The following BTN2A1 variants were observed in gnomAD, a reference collection of about 807,000 sequenced individuals.
BTN2A1 encodes butyrophilin, subfamily 2, member A1.
BTN2A1 carries 41 observed loss-of-function variants against 34.5 expected under a neutral mutation model. The ratio of observed to expected loss-of-function variants is 1.19; its 90% CI spans 0.93 to 1.54. BTN2A1 has a LOEUF of 1.54. BTN2A1 is among the 40% of genes most tolerant of loss of function. The pLI, the probability that BTN2A1 is intolerant of heterozygous loss-of-function variation, is 0.00. For missense variants in BTN2A1, 642 were observed against 662.0 expected, an observed-to-expected ratio of 0.97 and a Z score of 0.33; for synonymous variants, 267 against 258.6, an observed-to-expected ratio of 1.03 and a Z score of -0.31.
intron 3 of BTN2A1, chr6:26,462,712 C>G: frequency 1.1e-6 from 1 of 931,042 alleles, no homozygotes; most frequent in Non-Finnish European, 1.5e-6. Context: ...CTGAACTAGA[C>G]AGAAGGGTCA....
chr6:26,460,104 A>T (rs1312224716), intron 3 of BTN2A1, among the ~76,000 whole-genome samples: 8 of 152,160 alleles, frequency 5.3e-5, no homozygotes, highest in Non-Finnish European at 7.4e-5. Flanking sequence ...GTCTCGGAAG[A>T]GAAGTCTTAT....
chr6:26,463,597 G>A, intron 4 of BTN2A1, 72 bp downstream of exon 4: 1 of 1,529,944 alleles, frequency 6.5e-7, no homozygotes, highest in Non-Finnish European at 8.9e-7. Flanking sequence ...GCCCAGAACG[G>A]GGATGGGGGC....
rs1763227636 is a variant in BTN2A1, at chr6:26,463,466, C to T, written c.653C>T (p.Ser218Phe). 6.2e-7 allele frequency: 1 copy of T among 1,614,028 alleles called. No individual in the cohort carries two copies. Among genetic ancestry groups the T allele is most frequent in the South Asian group, 1.1e-5 (1 of 91,084 alleles). Residue 218 changes from serine (S) to phenylalanine (F), a missense_variant, in exon 4 of 8, where the codon TCC (serine) becomes TTC (phenylalanine). Physicochemically the swap from Ser to Phe is radical, Grantham distance 155. Transcript: ENST00000312541. Reference protein sequence around the residue: ...IIRDKSVRNMSCSINNTLLGQ... With the variant: ...IIRDKSVRNMFCSINNTLLGQ... ...AGAGACAAGTCTGTGAGGAACATGT[C>T]CTGCTCTATCAACAACACCCTGCTC...
rs147849789 is a variant in BTN2A1 at position 26,465,364 on chromosome 6, G to C, written c.892G>C (p.Glu298Gln). The C allele has an allele frequency of 9.9e-6, 16 of 1,614,074 alleles. No homozygotes were observed. The highest frequency in any genetic ancestry group is 1.7e-5 in the Admixed American group (1 of 60,000). Residue 298 changes from glutamate to glutamine, a missense_variant, in exon 5 of 8, where the codon GAG becomes CAG. Coordinates refer to ENST00000312541, the MANE Select transcript of BTN2A1 (RefSeq NM_007049.5). Reference protein sequence around the residue: ...ETREIALKELEKERVQKEEEL... With the variant: ...ETREIALKELQKERVQKEEEL... ...AAGAGAAATTGCTCTAAAGGAACTG[G>C]AGAAAGAACGTGTGCAAAAAGAGGA...
chr6:26,459,564 G>T lies in BTN2A1; in HGVS notation c.166G>T (p.Glu56Ter). The change falls in exon 3 of 8, where the codon GAG becomes TAG. Residue 56 changes from glutamate to a stop codon, truncating the protein, a stop_gained. Coordinates refer to ENST00000312541, the MANE Select transcript of BTN2A1 (RefSeq NM_007049.5). LOFTEE classifies it high-confidence loss of function. Reference sequence around the variant, plus strand: ...TACGTTACGCTGCCATCTGTCACCCGAGAAAAATGCTGAGGACATGGAGGT... The same window carrying T: ...TACGTTACGCTGCCATCTGTCACCCTAGAAAAATGCTGAGGACATGGAGGT... ...NTTLRCHLSP[E>*]KNAEDMEVRW... is the part of the protein sequence containing the mutation. 1 of 1,614,044 alleles carries T rather than the reference G, an allele frequency of 6.2e-7. No individual in the cohort carries two copies. Among genetic ancestry groups the T allele is most frequent in the Non-Finnish European group, 8.5e-7 (1 of 1,179,974 alleles).
intron 4 of BTN2A1, among the ~76,000 whole-genome samples, chr6:26,464,082 G>A (rs550510214): frequency 1.3e-5 from 2 of 152,232 alleles, no homozygotes; most frequent in African/African-American, 2.4e-5. Context: ...GATTACAGGC[G>A]TGAGCCACCA....
At position 26,468,542 on chromosome 6, in the gene BTN2A1, G is replaced by A; in HGVS notation, c.1577G>A (p.Ser526Asn). 6.2e-7 allele frequency: 1 copy of A among 1,614,156 alleles called. No individual in the cohort carries two copies. The highest frequency in any genetic ancestry group is 1.7e-5 in the Admixed American group (1 of 60,014). Residue 526 changes from serine (S) to asparagine (N), a missense_variant, in exon 8 of 8, where the codon AGC (serine) becomes AAC (asparagine). By Grantham distance (46) the Ser-to-Asn change is conservative. Transcript: ENST00000312541. ...CTTCACAGAGTGGGGACCCACCAGA[G>A]CCTATAGAATCAATTCCTTGGTCTC... Reference protein sequence around the residue: ...LTLHRVGTHQSL With the variant: ...LTLHRVGTHQNL
chr6:26,470,991 C>T (rs920749622), downstream of BTN2A1, among the ~76,000 whole-genome samples: 3 of 152,206 alleles, frequency 2.0e-5, no homozygotes, highest in Non-Finnish European at 4.4e-5. Context: ...CTCTGGAGAA[C>T]CCTGACTGAA....
downstream of BTN2A1, among the ~76,000 whole-genome samples, chr6:26,474,169 T>C (rs1005517525): frequency 2.0e-5 from 3 of 152,358 alleles, no homozygotes; most frequent in Admixed American, 1.3e-4. Flanking sequence ...GTAAACTAAC[T>C]GAAAGCTTAA....
downstream of BTN2A1, among the ~76,000 whole-genome samples, chr6:26,473,726 T>C (rs1255884739): frequency 6.6e-6 from 1 of 152,094 alleles, no homozygotes; most frequent in Non-Finnish European, 1.5e-5. Flanking sequence ...TCTGTTATGA[T>C]ATAAAAGACA....
chr6:26,469,406 T>C lies in BTN2A1; in HGVS notation c.*857T>C. On this transcript the variant is annotated 3_prime_UTR_variant, in exon 8 of 8. Coordinates refer to ENST00000312541, the MANE Select transcript of BTN2A1 (RefSeq NM_007049.5). ...ATGATGGAGGATTCCAAAGAGTTTT[T>C]GTTTATTTGGGTTAATATTTGTTGG... The C allele has an allele frequency of 8.6e-6, 8 of 929,770 alleles. No homozygotes were observed. The highest frequency in any genetic ancestry group is 1.0e-5 in the Non-Finnish European group (8 of 779,364). 57.6% of individuals were successfully genotyped at this position (929,770 alleles called of 1,614,324 possible). A position where few individuals can be genotyped will look rare whatever the true frequency, so the allele number is the denominator to read the frequency against.
chr6:26,470,977 GTC>G (rs1763439622), downstream of BTN2A1, among the ~76,000 whole-genome samples: 1 of 152,172 alleles, frequency 6.6e-6, no homozygotes, highest in Non-Finnish European at 1.5e-5. Flanking sequence ...TATTGGTTCT[GTC>G]TCTCTGGAGA....
Position 26,469,051 on chromosome 6 carries a change from A to C in BTN2A1, c.*502A>C. On this transcript the variant is annotated 3_prime_UTR_variant, in exon 8 of 8. Transcript: ENST00000312541. The stretch of plus-strand genomic sequence containing the variant: ...GAGAGCTGGGAGGGACCAAGGTTGT[A>C]AGGGTGGCTAAGTCCCACCATAACA... The C allele has an allele frequency of 8.6e-7, 1 of 1,159,504 alleles. No homozygotes were observed. Among genetic ancestry groups the C allele is most frequent in the Non-Finnish European group, 1.1e-6 (1 of 927,470 alleles). 71.8% of individuals were successfully genotyped at this position (1,159,504 alleles called of 1,614,324 possible).
At chr6:26,462,808 G>A in intron 3 of BTN2A1, 1 of 1,286,980 alleles carries the variant, frequency 7.8e-7, no homozygotes, top group Non-Finnish European at 1.0e-6. Flanking sequence ...GCTTCTGGAA[G>A]CTGAGGTCTA....
In BTN2A1 at chr6:26,469,247, T is replaced by C; in HGVS notation, c.*698T>C. On this transcript the variant is annotated 3_prime_UTR_variant, in exon 8 of 8. Coordinates refer to ENST00000312541, the MANE Select transcript of BTN2A1 (RefSeq NM_007049.5). ...TGGCAAGGAGTCAGTACTCAGTCCC[T>C]GAGTGTGGCTGAAATTTGAGGTCCT... The C allele has an allele frequency of 2.0e-6, 2 of 1,002,066 alleles. No individual in the cohort carries two copies. The highest frequency in any genetic ancestry group is 2.4e-6 in the Non-Finnish European group (2 of 839,164). The allele number at this position is 1,002,066 out of a possible 1,614,324, so 62.1% of individuals were successfully genotyped here. A position where few individuals can be genotyped will look rare whatever the true frequency, so the allele number is the denominator to read the frequency against.
At chr6:26,474,757 C>T (rs1359518445) in intron 7 of BTN2A1, among the ~76,000 whole-genome samples, 1 of 142,438 alleles carries the variant, frequency 7.0e-6, no homozygotes, top group African/African-American at 2.6e-5. Context: ...GCAAAGACTC[C>T]TTTTTTTTTT....
intron 7 of BTN2A1, chr6:26,467,635 A>G: frequency 7.1e-7 from 1 of 1,409,220 alleles, no homozygotes; most frequent in African/African-American, 1.4e-5. Context: ...CTTGGATAGA[A>G]AAGGGAACAC....
intron 4 of BTN2A1, among the ~76,000 whole-genome samples, chr6:26,464,194 A>G (rs1300076708): frequency 6.6e-6 from 1 of 152,156 alleles, no homozygotes; most frequent in African/African-American, 2.4e-5. Flanking sequence ...TGCTGTAGCC[A>G]TCCCTTCCTG....
intron 6 of BTN2A1, 22 bp from the exon 7 acceptor site, chr6:26,466,040 C>T (rs749789106): frequency 9.3e-6 from 15 of 1,614,086 alleles, no homozygotes; most frequent in African/African-American, 1.3e-5. Context: ...TCATGACATT[C>T]GTCTCTGTCT....
Sources: gnomAD v4.1 joint callset for allele counts (sites outside exome capture counted in the v4.1 genomes callset) on GRCh38, gnomAD v4.1.1 for gene constraint, MANE v1.5 for transcripts, NCBI Gene and HGNC (gene_info 2026-07-23, HGNC 2026-07-21) for gene names.